Variants in TLE1 observed in about 807,000 individuals in gnomAD.
The protein encoded by TLE1 is transducin-like enhancer protein 1.
A neutral mutation model predicts 89.8 loss-of-function variants in TLE1; 21 were observed. The ratio of observed to expected loss-of-function variants is 0.23; its 90% CI spans 0.17 to 0.34. The LOEUF is 0.34. Ranked by LOEUF, TLE1 falls within the 10% of genes least tolerant of loss-of-function variation. The pLI, the probability that TLE1 is intolerant of heterozygous loss-of-function variation, is 1.00. For missense variants in TLE1, 795 were observed against 1,031.2 expected, an observed-to-expected ratio of 0.77 and a Z score of 3.14; for synonymous variants, 447 against 407.6, an observed-to-expected ratio of 1.10 and a Z score of -1.16.
At chr9:81,680,925 G>A (rs1323132052) in intron 4 of TLE1, among the ~76,000 whole-genome samples, 6 of 148,208 alleles carry the variant, frequency 4.0e-5, no homozygotes, top group African/African-American at 9.8e-5. Flanking sequence ...AAAACACACA[G>A]GGTTAAAAAA....
At chr9:81,601,616 A>G (rs916603007) in intron 14 of TLE1, among the ~76,000 whole-genome samples, 1 of 151,966 alleles carries the variant, frequency 6.6e-6, no homozygotes, top group Non-Finnish European at 1.5e-5. Flanking sequence ...AAAAAAAAAA[A>G]GTCTAACTAA....
chr9:81,621,942 G>A lies in TLE1; in HGVS notation c.595-1385C>T, dbSNP rs377236146. Reference sequence around the variant, plus strand: ...AGGCTTAGATAAAAGCAGCTGGGAGGGACCAACGCAATTCAATATAGAGAA... The same window carrying A: ...AGGCTTAGATAAAAGCAGCTGGGAGAGACCAACGCAATTCAATATAGAGAA... On this transcript the variant is annotated intron_variant, in intron 8 of 19. Coordinates refer to ENST00000376499, the MANE Select transcript of TLE1 (RefSeq NM_005077.5). Among the ~76,000 whole-genome samples, 15 of 152,258 alleles carry A rather than the reference G, an allele frequency of 9.9e-5. No homozygotes were observed. The East Asian group carries it at 1.2e-3, about 12-fold the overall frequency.
intron 4 of TLE1, among the ~76,000 whole-genome samples, chr9:81,674,789 A>G (rs1832679155): frequency 6.6e-6 from 1 of 152,178 alleles, no homozygotes. Flanking sequence ...ACCTAATACA[A>G]CCACGCCAAA....
chr9:81,637,922 ACAGGG>A (rs1827613367), intron 6 of TLE1, among the ~76,000 whole-genome samples: 1 of 152,170 alleles, frequency 6.6e-6, no homozygotes, highest in Non-Finnish European at 1.5e-5. Flanking sequence ...GAGGCTTGCT[ACAGGG>A]CTCAGAGCCA....
intron 14 of TLE1, chr9:81,600,176 G>C (rs1193583285): frequency 1.4e-6 from 1 of 693,010 alleles, no homozygotes; most frequent in African/African-American, 1.8e-5. Flanking sequence ...ACAAAAAGAG[G>C]CTTAATATAT....
chr9:81,612,466 G>A (rs537899296), intron 12 of TLE1: 1 of 727,618 alleles, frequency 1.4e-6, no homozygotes, highest in South Asian at 6.2e-5. Flanking sequence ...GGCCCAGGTT[G>A]TTGCTTTTTT....
Position 81,688,562 on chromosome 9 carries a change from G to A in TLE1, c.-322C>T, listed in dbSNP as rs547887925. 9.9e-6 allele frequency: 3 copies of A among 301,968 alleles called. No homozygotes were observed. The highest frequency in any genetic ancestry group is 1.8e-5 in the Non-Finnish European group (3 of 166,116). The allele number at this position is 301,968 out of a possible 1,614,324, so 18.7% of individuals were successfully genotyped here. ...AGCGCTCCAACCCCCGGCCTCAGCT[G>A]CCCGGGCGGGGAGGCGGGGGCGCGG... On this transcript the variant is annotated 5_prime_UTR_variant, in exon 1 of 20. Coordinates refer to ENST00000376499, the MANE Select transcript of TLE1 (RefSeq NM_005077.5).
At chr9:81,607,673 A>G (rs1014930622) in intron 14 of TLE1, among the ~76,000 whole-genome samples, 1 of 152,142 alleles carries the variant, frequency 6.6e-6, no homozygotes, top group African/African-American at 2.4e-5. Context: ...CAGCTACAAC[A>G]CTGCTGGCAA....
intron 8 of TLE1, among the ~76,000 whole-genome samples, chr9:81,623,928 C>G (rs756861362): frequency 6.6e-6 from 1 of 151,500 alleles, no homozygotes; most frequent in Non-Finnish European, 1.5e-5. Flanking sequence ...CCTCCTCCTG[C>G]TCCTTTAATC....
chr9:81,637,091 G>A (rs7040376), intron 6 of TLE1, among the ~76,000 whole-genome samples: 136,652 of 152,182 alleles, frequency 0.9, 61,368 homozygotes, highest in Admixed American at 0.91. Flanking sequence ...GGGAAGGTGG[G>A]TCATGCCTGT....
chr9:81,686,393 G>A (rs556601365), intron 2 of TLE1, among the ~76,000 whole-genome samples: 8 of 152,330 alleles, frequency 5.3e-5, no homozygotes, highest in African/African-American at 1.9e-4. Context: ...ATGTCAAGTA[G>A]CTACTGCAAT....
At chr9:81,669,154 C>T (rs1831882857) in intron 4 of TLE1, among the ~76,000 whole-genome samples, 1 of 152,208 alleles carries the variant, frequency 6.6e-6, no homozygotes, top group African/African-American at 2.4e-5. Flanking sequence ...CTGTGAAACA[C>T]AGTAATCCAC....
chr9:81,608,718 G>C (rs1823297851), intron 14 of TLE1, among the ~76,000 whole-genome samples: 1 of 152,050 alleles, frequency 6.6e-6, no homozygotes, highest in South Asian at 2.1e-4. Flanking sequence ...GGGCAGATCA[G>C]CTGAGGTCAG....
rs766974014 is a variant in TLE1 at position 81,652,217 on chromosome 9, G to A, written c.369C>T (p.Ile123=). Residue 123 remains isoleucine, a synonymous_variant, in exon 6 of 20, where the codon ATC becomes ATT. Transcript: ENST00000376499. ...GTAGACCTGGTAGGCCACGTACCCCGATGATGGCATTCAATTCTGCCATGG... is the reference window on the plus strand; with the variant it reads ...GTAGACCTGGTAGGCCACGTACCCCAATGATGGCATTCAATTCTGCCATGG... ...QVTMAELNAI[I]GQQQLQAQHL... is the part of the protein sequence containing the mutation. The A allele has an allele frequency of 1.5e-5, 25 of 1,613,582 alleles. No individual in the cohort carries two copies. The highest frequency in any genetic ancestry group is 8.9e-5 in the East Asian group (4 of 44,862).
At chr9:81,672,677 TTTTC>T (rs2132969753) in intron 4 of TLE1, among the ~76,000 whole-genome samples, 1 of 152,234 alleles carries the variant, frequency 6.6e-6, no homozygotes, top group African/African-American at 2.4e-5. Flanking sequence ...AAATGAAATT[TTTTC>T]TTTCTGTAAC....
At chr9:81,624,823 C>T (rs533038928) in intron 8 of TLE1, among the ~76,000 whole-genome samples, 1 of 152,254 alleles carries the variant, frequency 6.6e-6, no homozygotes, top group South Asian at 2.1e-4. Flanking sequence ...ACATCTCCTA[C>T]AGAAACTCAA....
chr9:81,673,974 A>G (rs1052268429), intron 4 of TLE1, among the ~76,000 whole-genome samples: 9 of 152,144 alleles, frequency 5.9e-5, no homozygotes, highest in African/African-American at 1.9e-4. Context: ...ACGCAGATCA[A>G]TGTTAAGACC....
intron 4 of TLE1, among the ~76,000 whole-genome samples, chr9:81,678,966 C>T (rs1007399469): frequency 1.8e-4 from 28 of 152,174 alleles, no homozygotes; most frequent in Admixed American, 5.2e-4. Context: ...CATGCAGAAA[C>T]CCCATCTCTA....
rs368421825 is a variant in TLE1, at chr9:81,689,492, C to G, written c.-1252G>C. ...GCCGCTGTTTCTGCTGCTGCTGCTT[C>G]TGCAGCCGCCGCTCCCACCGCCGCC... On this transcript the variant is annotated 5_prime_UTR_variant, in exon 1 of 20. Transcript: ENST00000376499. Among the ~76,000 whole-genome samples the G allele has an allele frequency of 1.3e-5, 2 of 152,094 alleles. No homozygotes were observed. Among genetic ancestry groups the G allele is most frequent in the South Asian group, 4.1e-4 (2 of 4,830 alleles).
Sources: allele counts gnomAD v4.1 joint callset (sites outside exome capture counted in the v4.1 genomes callset), GRCh38; gene constraint gnomAD v4.1.1; transcripts MANE v1.5; gene names NCBI Gene and HGNC (gene_info 2026-07-23, HGNC 2026-07-21).